The following ADCY3 variants were observed in gnomAD, a reference collection of about 807,000 sequenced individuals.
ADCY3 encodes the protein adenylate cyclase type 3.
A neutral mutation model predicts 119.4 loss-of-function variants in ADCY3; 70 were observed. The observed-to-expected ratio is 0.59, with a 90% CI of 0.48 to 0.72. ADCY3 has a LOEUF of 0.72. Among genes scored for constraint, ADCY3 ranks in the 30% least tolerant of loss-of-function variants. The pLI is 0.00. For synonymous variants in ADCY3, 672 were observed against 621.4 expected, an observed-to-expected ratio of 1.08 and a Z score of -1.21; for missense variants, 1,238 against 1,541.6, an observed-to-expected ratio of 0.80 and a Z score of 3.30.
chr2:24,834,866 T>C lies in ADCY3; in HGVS notation c.1733A>G (p.Asp578Gly). ...GAGCTCGTGCTCATCTTCAGAGGCA[T>C]CCACCACTCGGTCAGCCAGGTCCTG... ...RLQDLADRVV[D>G]ASEDEHELNQ... The change falls in exon 10 of 22, where the codon GAT becomes GGT. Residue 578 changes from aspartate to glycine, a missense_variant. Asp to Gly is a moderately conservative substitution (Grantham distance 94, BLOSUM62 -1). Coordinates refer to ENST00000679454, the MANE Select transcript of ADCY3 (RefSeq NM_004036.5). The surrounding 1 kb of genome is among the most constrained non-coding windows in gnomAD (Gnocchi z 4.2). The C allele has an allele frequency of 6.2e-7, 1 of 1,613,886 alleles. No homozygotes were observed. Among genetic ancestry groups the C allele is most frequent in the Non-Finnish European group, 8.5e-7 (1 of 1,179,978 alleles).
chr2:24,838,298 G>C, intron 8 of ADCY3, 147 bp downstream of exon 8: 1 of 782,132 alleles, frequency 1.3e-6, no homozygotes, highest in South Asian at 1.8e-5. Context: ...CCCTTGGGAA[G>C]GGTGCCAGCC....
At chr2:24,871,618 G>A (rs115114385) in intron 3 of ADCY3, among the ~76,000 whole-genome samples, 16 of 152,338 alleles carry the variant, frequency 1.1e-4, no homozygotes, top group African/African-American at 2.9e-4. Flanking sequence ...CCACCCGAGT[G>A]GCAGCATCTA....
intron 2 of ADCY3, among the ~76,000 whole-genome samples, chr2:24,894,836 A>C (rs1678078204): frequency 6.6e-6 from 1 of 151,974 alleles, no homozygotes; most frequent in Non-Finnish European, 1.5e-5. Context: ...TCCATCAAAA[A>C]GTGTTTATTT....
At chr2:24,879,406 T>C (rs971618964) in intron 2 of ADCY3, among the ~76,000 whole-genome samples, 1 of 144,584 alleles carries the variant, frequency 6.9e-6, no homozygotes, top group Non-Finnish European at 1.5e-5. Flanking sequence ...TGAGCCGAGA[T>C]TGCGCCACTG....
At chr2:24,821,090 G>A (rs1035812103) in intron 20 of ADCY3, 2 of 536,362 alleles carry the variant, frequency 3.7e-6, no homozygotes, top group Non-Finnish European at 6.5e-6. Flanking sequence ...GTAGTGGCCA[G>A]CTTCTAACAC....
At chr2:24,831,857 G>A (rs375191700) in intron 11 of ADCY3, 108 bp from the exon 12 acceptor site, 27 of 416,556 alleles carry the variant, frequency 6.5e-5, no homozygotes, top group East Asian at 6.1e-4. Flanking sequence ...GGGGACAGCG[G>A]ACAGGGGGCA....
chr2:24,851,356 C>T (rs1044272403), intron 3 of ADCY3, among the ~76,000 whole-genome samples: 1 of 152,230 alleles, frequency 6.6e-6, no homozygotes, highest in African/African-American at 2.4e-5. Flanking sequence ...ATGAACCCAG[C>T]ACCCACCAGG....
chr2:24,860,297 A>G (rs1362708857), intron 3 of ADCY3, among the ~76,000 whole-genome samples: 1 of 152,148 alleles, frequency 6.6e-6, no homozygotes, highest in Non-Finnish European at 1.5e-5. Flanking sequence ...ATAAAGACAA[A>G]CAACTCCAGT....
chr2:24,843,717 T>G (rs1392036001), intron 3 of ADCY3, among the ~76,000 whole-genome samples: 1 of 151,406 alleles, frequency 6.6e-6, no homozygotes, highest in African/African-American at 2.4e-5. Context: ...CAGGGTTTGG[T>G]TCTGAGGCGC....
In ADCY3 at chr2:24,868,528, G is replaced by A. The variant is rs575705113; in HGVS notation, c.825+4042C>T. On this transcript the variant is annotated intron_variant, in intron 3 of 21. Transcript: ENST00000679454. ...TAGCCGGGCGTGTTCCCAGCTACTC[G>A]GAGGCTGAGGCAAGAGGATACCTTG... Among the ~76,000 whole-genome samples, 35 of 152,088 alleles carry A rather than the reference G, an allele frequency of 2.3e-4. No individual in the cohort carries two copies. In the East Asian group the frequency reaches 4.9e-3, roughly 21 times the overall value.
Position 24,839,932 on chromosome 2 carries a change from G to A in ADCY3, c.1296C>T (p.Tyr432=), listed in dbSNP as rs529341097. Reference sequence around the variant, plus strand: ...CAGTGACATCAGTCGACCACACGTCGTACTGCCAGCGCTTCTGGCCCAGGA... The same window carrying A: ...CAGTGACATCAGTCGACCACACGTCATACTGCCAGCGCTTCTGGCCCAGGA... ...GGVLGQKRWQ[Y]DVWSTDVTVA... The change falls in exon 7 of 22, where the codon TAC becomes TAT. Residue 432 remains tyrosine (Y), a synonymous_variant. Coordinates refer to ENST00000679454, the MANE Select transcript of ADCY3 (RefSeq NM_004036.5). 6.7e-5 allele frequency: 108 copies of A among 1,613,830 alleles called. 1 individual carries two copies. The South Asian group carries it at 1.2e-3, about 17-fold the overall frequency.
Position 24,844,165 on chromosome 2 carries a change from G to A in ADCY3, c.826-1781C>T, listed in dbSNP as rs575805980. On this transcript the variant is annotated intron_variant, in intron 3 of 21. Transcript: ENST00000679454. The stretch of plus-strand genomic sequence containing the variant: ...AGGCAGAGATGTGGCTGGAGGACAG[G>A]TGCCCGCTGACCTTCAGGGTGGAGT... 7.9e-5 allele frequency among the ~76,000 whole-genome samples: 12 copies of A among 152,306 alleles called. No homozygotes were observed. In the South Asian group the frequency reaches 2.5e-3, roughly 32 times the overall value.
intron 3 of ADCY3, among the ~76,000 whole-genome samples, chr2:24,850,958 G>T (rs1672219399): frequency 6.6e-6 from 1 of 152,234 alleles, no homozygotes; most frequent in African/African-American, 2.4e-5. Context: ...AAGAGAAAAG[G>T]CTCATTTAAC....
intron 2 of ADCY3, among the ~76,000 whole-genome samples, chr2:24,881,094 A>G (rs1056040856): frequency 1.1e-4 from 17 of 152,028 alleles, no homozygotes; most frequent in Admixed American, 5.9e-4. Flanking sequence ...TTCAGCATCT[A>G]TAAAAGCAGC....
chr2:24,855,496 G>A (rs187270963), intron 3 of ADCY3, among the ~76,000 whole-genome samples: 57 of 152,168 alleles, frequency 3.7e-4, no homozygotes, highest in Non-Finnish European at 6.3e-4. Flanking sequence ...CCTGGGGGCC[G>A]AGGCCTGGGT....
intron 2 of ADCY3, among the ~76,000 whole-genome samples, chr2:24,894,752 C>T (rs1301284650): frequency 4.0e-5 from 6 of 151,812 alleles, no homozygotes; most frequent in Admixed American, 3.9e-4. Context: ...CATTTTTCTT[C>T]TGCCTAAAAA....
Position 24,823,329 on chromosome 2 carries a change from C to G in ADCY3, c.2763G>C (p.Glu921Asp). 1 of 1,613,796 alleles carries G rather than the reference C, an allele frequency of 6.2e-7. No individual in the cohort carries two copies. Among genetic ancestry groups the G allele is most frequent in the Non-Finnish European group, 8.5e-7 (1 of 1,179,950 alleles). The change falls in exon 18 of 22, where the codon GAG becomes GAC. Residue 921 changes from glutamate to aspartate, a missense_variant. Transcript: ENST00000679454. ...GCAGGGAGGCAAACATGACTCCAAT[C>G]TCATCATACGTCTGGCTATACAGCT... ...DEELYSQTYD[E>D]IGVMFASLPN... is the part of the protein sequence containing the mutation.
intron 2 of ADCY3, among the ~76,000 whole-genome samples, chr2:24,897,520 G>A (rs892285444): frequency 2.6e-5 from 4 of 152,142 alleles, no homozygotes; most frequent in African/African-American, 9.7e-5. Flanking sequence ...CCCCAGGGTT[G>A]GGGAGAGGAT....
At position 24,872,845 on chromosome 2, in the gene ADCY3, G is replaced by T; in HGVS notation, c.676-126C>A. 1 of 1,131,474 alleles carries T rather than the reference G, an allele frequency of 8.8e-7. No homozygotes were observed. The highest frequency in any genetic ancestry group is 1.3e-6 in the Non-Finnish European group (1 of 794,712). 70.1% of individuals were successfully genotyped at this position (1,131,474 alleles called of 1,614,324 possible). A position where few individuals can be genotyped will look rare whatever the true frequency, so the allele number is the denominator to read the frequency against. ...AAAATCAAACCTCAAGTTGCCCAAT[G>T]TCCAGGGAGGGGCCCAGCACAGCCT... On this transcript the variant is annotated intron_variant, in intron 2 of 21. Coordinates refer to ENST00000679454, the MANE Select transcript of ADCY3 (RefSeq NM_004036.5). This position sits in a 1 kb window ranked among gnomAD's most constrained non-coding sequence, Gnocchi z 4.4.
Sources: allele counts gnomAD v4.1 joint callset (sites outside exome capture counted in the v4.1 genomes callset), GRCh38; gene constraint gnomAD v4.1.1; non-coding constraint Gnocchi (gnomAD v3.1); transcripts MANE v1.5; gene names NCBI Gene and HGNC (gene_info 2026-07-23, HGNC 2026-07-21).